PRIM2: variants seen among roughly 807,000 people sequenced by gnomAD.
The protein encoded by PRIM2 is DNA primase subunit 2.
In PRIM2, 39 loss-of-function variants were observed where a neutral mutation model predicts 67.3. The observed-to-expected ratio is 0.58, with a 90% confidence interval of 0.45 to 0.76. The LOEUF (loss-of-function observed/expected upper bound fraction) is 0.76. PRIM2 is among the 30% of genes least tolerant of loss of function. The pLI, the probability that PRIM2 is intolerant of heterozygous loss-of-function variation, is 0.00. For missense variants in PRIM2, 398 were observed against 598.7 expected (o/e 0.66, Z 3.50); for synonymous variants, 143 against 198.7 (o/e 0.72, Z 2.36).
intron 5 of PRIM2, chr6:57,326,420 A>G (rs1324056740): frequency 6.2e-6 from 1 of 161,276 alleles, no homozygotes; most frequent in African/African-American, 2.4e-5. Context: ...GTAATACTTT[A>G]TTTAAAAGTC....
At chr6:57,254,918 A>C in the PRIM2 span, among the ~76,000 whole-genome samples, 1 of 152,190 alleles carries the variant, frequency 6.6e-6, no homozygotes, top group Non-Finnish European at 1.5e-5. Flanking sequence ...TAACACACAG[A>C]CATATAGCTT....
In PRIM2 at chr6:57,318,571, T is replaced by G. The variant is rs767576328; in HGVS notation, c.126T>G (p.Phe42Leu). 26 of 1,576,010 alleles carry G rather than the reference T, an allele frequency of 1.6e-5. No individual in the cohort carries two copies. Among genetic ancestry groups the G allele is most frequent in the Non-Finnish European group, 1.9e-5 (22 of 1,159,266 alleles). Residue 42 changes from phenylalanine to leucine, a missense_variant, in exon 2 of 14, where the codon TTT becomes TTG. By Grantham distance (22) the Phe-to-Leu change is conservative. Coordinates refer to ENST00000615550, the MANE Select transcript of PRIM2 (RefSeq NM_000947.5). ...CTGAAAACATATCTTTAATAGAATTTGAAAACTTGGCTATTGATAGAGTTA... is the reference window on the plus strand; with the variant it reads ...CTGAAAACATATCTTTAATAGAATTGGAAAACTTGGCTATTGATAGAGTTA... ...PPSENISLIE[F>L]ENLAIDRVKL... is the part of the protein sequence containing the mutation.
At chr6:57,307,890 A>G in the PRIM2 span, among the ~76,000 whole-genome samples, 1 of 152,190 alleles carries the variant, frequency 6.6e-6, no homozygotes, top group Non-Finnish European at 1.5e-5. Context: ...TGGTCCATTC[A>G]TTTAAGAACA....
chr6:57,435,826 A>G (rs1771992627), intron 7 of PRIM2, among the ~76,000 whole-genome samples: 1 of 152,114 alleles, frequency 6.6e-6, no homozygotes, highest in African/African-American at 2.4e-5. Flanking sequence ...GCTCATTCCA[A>G]TGTGCACAGG....
chr6:57,613,476 C>T (rs1211462619), intron 12 of PRIM2, among the ~76,000 whole-genome samples: 9 of 152,280 alleles, frequency 5.9e-5, no homozygotes, highest in Non-Finnish European at 1.0e-4. Flanking sequence ...AGCAGTAGTA[C>T]TAGATGACTG....
intron 7 of PRIM2, among the ~76,000 whole-genome samples, chr6:57,394,577 G>C (rs1581859541): frequency 6.6e-6 from 1 of 152,044 alleles, no homozygotes; most frequent in Non-Finnish European, 1.5e-5. Flanking sequence ...GGAGTCCTTA[G>C]GGTTTCCAAG....
At chr6:57,589,567 G>GA (rs1337100174) in intron 10 of PRIM2, among the ~76,000 whole-genome samples, 1 of 152,168 alleles carries the variant, frequency 6.6e-6, no homozygotes, top group Non-Finnish European at 1.5e-5. Flanking sequence ...GTTTGACTGA[G>GA]ATTTGAATTA....
chr6:57,286,805 A>G, the PRIM2 span, among the ~76,000 whole-genome samples: 1 of 152,226 alleles, frequency 6.6e-6, no homozygotes, highest in Admixed American at 6.5e-5. Context: ...AGAAACTATC[A>G]TCAGAGTGAA....
At chr6:57,577,707 GC>G (rs1195033980) in intron 10 of PRIM2, among the ~76,000 whole-genome samples, 97 of 152,208 alleles carry the variant, frequency 6.4e-4, no homozygotes, top group Middle Eastern at 3.4e-3. Flanking sequence ...GGATTTACAG[GC>G]ATGAGCCACT....
intron 5 of PRIM2, among the ~76,000 whole-genome samples, chr6:57,368,398 G>T (rs1769439079): frequency 1.3e-5 from 2 of 152,102 alleles, no homozygotes; most frequent in Non-Finnish European, 2.9e-5. Flanking sequence ...AATGACCAGG[G>T]TCTAAGAAAG....
At chr6:57,276,496 T>C in the PRIM2 span, among the ~76,000 whole-genome samples, 1 of 151,870 alleles carries the variant, frequency 6.6e-6, no homozygotes, top group Non-Finnish European at 1.5e-5. Flanking sequence ...TAAATACATA[T>C]ATAATAGTAA....
At chr6:57,602,060 A>ATTT (rs1192324407) in intron 11 of PRIM2, among the ~76,000 whole-genome samples, 3 of 143,546 alleles carry the variant, frequency 2.1e-5, no homozygotes, top group African/African-American at 7.7e-5. Flanking sequence ...ATAAACATAG[A>ATTT]TTTTTTTTTT....
At chr6:57,265,722 C>G in the PRIM2 span, among the ~76,000 whole-genome samples, 1 of 152,172 alleles carries the variant, frequency 6.6e-6, no homozygotes, top group Non-Finnish European at 1.5e-5. Flanking sequence ...TGCCTGACAA[C>G]TCTAGACATA....
chr6:57,254,399 A>T, the PRIM2 span, among the ~76,000 whole-genome samples: 1 of 152,052 alleles, frequency 6.6e-6, no homozygotes. Flanking sequence ...CAATTCTCAC[A>T]CTTCCTCACC....
the PRIM2 span, among the ~76,000 whole-genome samples, chr6:57,308,136 CTT>C: frequency 1.2e-4 from 17 of 147,484 alleles, no homozygotes; most frequent in Admixed American, 3.4e-4. Flanking sequence ...TTTTTTCTCT[CTT>C]TTTTTTTTTG....
chr6:57,413,572 T>C (rs1321952697), intron 7 of PRIM2, among the ~76,000 whole-genome samples: 1 of 152,114 alleles, frequency 6.6e-6, no homozygotes, highest in Non-Finnish European at 1.5e-5. Flanking sequence ...GCATGGATGC[T>C]GTGCTTGGGC....
chr6:57,422,072 C>T (rs1485423346), intron 7 of PRIM2, among the ~76,000 whole-genome samples: 1 of 151,040 alleles, frequency 6.6e-6, no homozygotes, highest in Non-Finnish European at 1.5e-5. Flanking sequence ...ATCAAACGTA[C>T]AGTTTAAATT....
the PRIM2 span, among the ~76,000 whole-genome samples, chr6:57,251,368 A>G: frequency 6.6e-6 from 1 of 152,204 alleles, no homozygotes; most frequent in South Asian, 2.1e-4. Context: ...CTACCACAAT[A>G]AAGGTTCATT....
rs1163114437 is a variant in PRIM2, at chr6:57,521,367, G to GTTTTT, written c.762-11022_762-11018dup. 6.3e-3 allele frequency among the ~76,000 whole-genome samples: 614 copies of GTTTTT among 97,938 alleles called. 27 individuals carry two copies. The highest frequency in any genetic ancestry group is 0.02 in the Middle Eastern group (2 of 102). 64.3% of individuals were successfully genotyped at this position (97,938 alleles called of 152,430 possible). The stretch of plus-strand genomic sequence containing the variant: ...GAGTGGCTTAGTTTATGTGGTTAGG[G>GTTTTT]TTTTTTTTTTTTTTTTTTTTTTTTT... On this transcript the variant is annotated intron_variant, in intron 8 of 13. Coordinates refer to ENST00000615550, the MANE Select transcript of PRIM2 (RefSeq NM_000947.5).
Sources: gnomAD v4.1 joint callset for allele counts (sites outside exome capture counted in the v4.1 genomes callset) on GRCh38, gnomAD v4.1.1 for gene constraint, MANE v1.5 for transcripts, NCBI Gene and HGNC (gene_info 2026-07-23, HGNC 2026-07-21) for gene names.